Variants in KRT78 observed in about 807,000 individuals in gnomAD.
KRT78 encodes the protein keratin, type II cytoskeletal 78.
In KRT78, 55 loss-of-function variants were observed where a neutral mutation model predicts 51.4. That is an observed-to-expected ratio of 1.07 (90% CI 0.86 to 1.34). KRT78 has a LOEUF of 1.34. Ranked by LOEUF, KRT78 falls within the 40% of genes most tolerant of loss-of-function variation. The pLI is 0.00. For missense variants in KRT78, 652 were observed against 649.4 expected (o/e 1.00, Z -0.04); for synonymous variants, 291 against 264.3 (o/e 1.10, Z -0.98).
intron 3 of KRT78, among the ~76,000 whole-genome samples, 166 bp downstream of exon 3, chr12:52,846,598 G>A (rs1482702034): frequency 6.6e-6 from 1 of 151,412 alleles, no homozygotes; most frequent in African/African-American, 2.4e-5. Flanking sequence ...TTGCCTTGGG[G>A]CCCCTGTGTC....
intron 6 of KRT78, among the ~76,000 whole-genome samples, chr12:52,841,714 T>C (rs1940504965): frequency 1.3e-5 from 2 of 152,144 alleles, no homozygotes; most frequent in South Asian, 4.1e-4. Flanking sequence ...GTGGCAGAAC[T>C]GGGATCCTAA....
intron 2 of KRT78, among the ~76,000 whole-genome samples, chr12:52,847,287 C>T (rs2120428296): frequency 6.6e-6 from 1 of 152,312 alleles, no homozygotes; most frequent in East Asian, 1.9e-4. Context: ...GGGCAGGTGA[C>T]ATTTCCCAAG....
Position 52,839,117 on chromosome 12 carries a change from T to A in KRT78, c.1559A>T (p.Tyr520Phe), listed in dbSNP as rs1940413380. The A allele has an allele frequency of 2.5e-6, 4 of 1,612,448 alleles. No homozygotes were observed. The highest frequency in any genetic ancestry group is 3.4e-6 in the Non-Finnish European group (4 of 1,179,682). Residue 520 changes from tyrosine (Y) to phenylalanine (F), a missense_variant, in exon 9 of 9, where the codon TAC becomes TTC. Physicochemically the swap from Tyr to Phe is conservative, Grantham distance 22. Transcript: ENST00000304620. ...AGGAGGTGGCTGCTGGGTCGCTCAG[T>A]AGGTGATGGATGTCTTCAGACTCGA... The part of the protein sequence containing the change: ...VESSLKTSIT[Y>F]
At position 52,838,879 on chromosome 12, in the gene KRT78, A is replaced by G; in HGVS notation, c.*234T>C. The G allele has an allele frequency of 1.7e-6, 1 of 581,450 alleles. No individual in the cohort carries two copies. The highest frequency in any genetic ancestry group is 2.1e-5 in the South Asian group (1 of 48,460). 36.0% of individuals were successfully genotyped at this position (581,450 alleles called of 1,614,324 possible). ...CACGTCTGGACACAGATATGCCACA[A>G]TTGCCTTCCGAGGAGAGGAAGCTGG... On this transcript the variant is annotated 3_prime_UTR_variant, in exon 9 of 9. Transcript: ENST00000304620.
At position 52,844,541 on chromosome 12, in the gene KRT78, C is replaced by T. The variant is rs1027688362; in HGVS notation, c.921+18G>A. The T allele has an allele frequency of 1.9e-6, 3 of 1,605,524 alleles. No individual in the cohort carries two copies. Among genetic ancestry groups the T allele is most frequent in the East Asian group, 4.5e-5 (2 of 44,688 alleles). On this transcript the variant is annotated intron_variant, in intron 5 of 8. Transcript: ENST00000304620. ...CCTAGCCATTTCCAGCATGGTGCTG[C>T]CCCCCAGGTCCCACCACCTTGGTCT...
intron 3 of KRT78, 31 bp downstream of exon 3, chr12:52,846,733 A>G: frequency 6.3e-7 from 1 of 1,599,778 alleles, no homozygotes; most frequent in Non-Finnish European, 8.6e-7. Context: ...GATGCTCAGA[A>G]CGTAAGTGGA....
rs1386524697 is a variant in KRT78 at position 52,841,554 on chromosome 12, C to T, written c.1048-1570G>A. Reference sequence around the variant, plus strand: ...GAAAGCTAGAGGAAGGATGAGATCCCTGTCTTTATCAGCCTTACAGTTGAT... The same window carrying T: ...GAAAGCTAGAGGAAGGATGAGATCCTTGTCTTTATCAGCCTTACAGTTGAT... On this transcript the variant is annotated intron_variant, in intron 6 of 8. Transcript: ENST00000304620. Among the ~76,000 whole-genome samples, 6 of 152,064 alleles carry T rather than the reference C, an allele frequency of 3.9e-5. No homozygotes were observed. In the East Asian group the frequency reaches 1.2e-3, roughly 29 times the overall value.
chr12:52,841,786 G>A (rs1940506793), intron 6 of KRT78, among the ~76,000 whole-genome samples: 1 of 152,182 alleles, frequency 6.6e-6, no homozygotes, highest in Non-Finnish European at 1.5e-5. Flanking sequence ...AGGAGCAGGG[G>A]ACAGTGCTAT....
rs574494755 is a variant in KRT78 at position 52,841,657 on chromosome 12, C to T, written c.1048-1673G>A. 1.4e-4 allele frequency among the ~76,000 whole-genome samples: 22 copies of T among 152,110 alleles called. 1 individual carries two copies. Among genetic ancestry groups the T allele is most frequent in the Admixed American group, 4.6e-4 (7 of 15,260 alleles). The stretch of plus-strand genomic sequence containing the variant: ...TCGATTCCCACTCTGTGGATAGAAA[C>T]ATAATCTCTACTCTATAGATGAAGA... On this transcript the variant is annotated intron_variant, in intron 6 of 8. Coordinates refer to ENST00000304620, the MANE Select transcript of KRT78 (RefSeq NM_173352.4).
intron 6 of KRT78, among the ~76,000 whole-genome samples, chr12:52,842,651 C>T (rs915623348): frequency 3.9e-5 from 6 of 152,090 alleles, no homozygotes; most frequent in Non-Finnish European, 5.9e-5. Flanking sequence ...AGCATGGTGG[C>T]TCACACCTGT....
Position 52,846,181 on chromosome 12 carries a change from TTTGG to T in KRT78, c.756+12_756+15del. 1 of 1,593,320 alleles carries T rather than the reference TTTGG, an allele frequency of 6.3e-7. No individual in the cohort carries two copies. The highest frequency in any genetic ancestry group is 8.6e-7 in the Non-Finnish European group (1 of 1,162,000). Reference sequence around the variant, plus strand: ...CCTCTCTCTTGGCTGCAGCCTGCCCTTTGGTTGAGCCTCACTTCTTCATTCAGAT... The same window carrying T: ...CCTCTCTCTTGGCTGCAGCCTGCCCTTTGAGCCTCACTTCTTCATTCAGAT... On this transcript the variant is annotated intron_variant, in intron 4 of 8. Transcript: ENST00000304620.
In KRT78 at chr12:52,846,229, ACT is replaced by A. The variant is rs1565700867; in HGVS notation, c.722_723del (p.Glu241ValfsTer10). ...TTCAGATGCTTCAAGAAGTAGAGGT[ACT>A]CTCTCAGAGCCTCCAGCTTGCCCTC... is the stretch of plus-strand genomic sequence containing the variant. ...ELEGKLEALR[E>X]YLYFLKHLNE... On this transcript the variant is annotated frameshift_variant, in exon 4 of 9. Coordinates refer to ENST00000304620, the MANE Select transcript of KRT78 (RefSeq NM_173352.4). LOFTEE classifies it high-confidence loss of function. 3.1e-6 allele frequency: 5 copies of A among 1,613,654 alleles called. No individual in the cohort carries two copies. The highest frequency in any genetic ancestry group is 4.2e-6 in the Non-Finnish European group (5 of 1,179,808).
intron 2 of KRT78, 146 bp downstream of exon 2, chr12:52,847,760 TG>T: frequency 1.5e-6 from 1 of 655,990 alleles, no homozygotes; most frequent in Non-Finnish European, 2.6e-6. Context: ...CCTGAGAGCC[TG>T]GGGAATGGGG....
At chr12:52,843,625 G>T (rs1035823217) in intron 6 of KRT78, among the ~76,000 whole-genome samples, 9 of 146,406 alleles carry the variant, frequency 6.1e-5, no homozygotes, top group African/African-American at 1.8e-4. Flanking sequence ...GGAGGCAGAG[G>T]TTGCAGTAAG....
chr12:52,841,544 G>A (rs1940500865), intron 6 of KRT78, among the ~76,000 whole-genome samples: 1 of 151,966 alleles, frequency 6.6e-6, no homozygotes, highest in Non-Finnish European at 1.5e-5. Context: ...CTAGAGGAAG[G>A]ATGAGATCCC....
rs751653006 is a variant in KRT78, at chr12:52,848,792, AC to A, written c.138del (p.Cys47AlafsTer40). ...FSSRSLNSFG[G>X]CLEGSRGSTW... is the part of the protein sequence containing the mutation. The stretch of plus-strand genomic sequence containing the variant: ...GTACTCCCACGAGAGCCTTCCAGGC[AC>A]CCCCCAAAGGAATTAAGGCTCCTGC... On this transcript the variant is annotated frameshift_variant, in exon 1 of 9. Coordinates refer to ENST00000304620, the MANE Select transcript of KRT78 (RefSeq NM_173352.4). LOFTEE classifies it high-confidence loss of function. The A allele has an allele frequency of 5.3e-6, 8 of 1,499,904 alleles. No individual in the cohort carries two copies. In the East Asian group the frequency reaches 2.0e-4, roughly 37 times the overall value. 92.9% of individuals were successfully genotyped at this position (1,499,904 alleles called of 1,614,324 possible).
intron 1 of KRT78, 49 bp downstream of exon 1, chr12:52,848,498 T>G (rs1449030091): frequency 4.4e-6 from 7 of 1,596,106 alleles, no homozygotes; most frequent in Non-Finnish European, 6.0e-6. Context: ...CAAGAGCAGC[T>G]CCTCCAAGGG....
chr12:52,846,535 G>A (rs1002025733), intron 3 of KRT78, among the ~76,000 whole-genome samples: 3 of 151,832 alleles, frequency 2.0e-5, no homozygotes, highest in African/African-American at 4.8e-5. Flanking sequence ...CTCCCTCCCC[G>A]CCCTCTCCTG....
chr12:52,845,804 A>C (rs1009009973), intron 4 of KRT78, among the ~76,000 whole-genome samples: 4 of 152,118 alleles, frequency 2.6e-5, no homozygotes, highest in Admixed American at 6.6e-5. Flanking sequence ...AAATACAAAA[A>C]TTAGCTGACC....
Sources: allele counts gnomAD v4.1 joint callset (sites outside exome capture counted in the v4.1 genomes callset), GRCh38; gene constraint gnomAD v4.1.1; transcripts MANE v1.5; gene names NCBI Gene and HGNC (gene_info 2026-07-23, HGNC 2026-07-21).